Variants in DNAJC25 observed in about 807,000 individuals in gnomAD.
The protein encoded by DNAJC25 is dnaJ homolog subfamily C member 25.
In DNAJC25, 26 loss-of-function variants were observed where a neutral mutation model predicts 42.1. The observed-to-expected ratio is 0.62, with a 90% confidence interval of 0.45 to 0.86. The LOEUF (loss-of-function observed/expected upper bound fraction) is 0.86, where lower values mean the gene tolerates loss of function less well. DNAJC25 is among the 40% of genes least tolerant of loss of function. DNAJC25 has a pLI of 0.00. For missense variants in DNAJC25, 404 were observed against 459.4 expected (o/e 0.88, Z 1.10); for synonymous variants, 189 against 179.9 (o/e 1.05, Z -0.40).
At chr9:111,643,923 A>G (rs1830526641) in intron 1 of DNAJC25, among the ~76,000 whole-genome samples, 1 of 152,162 alleles carries the variant, frequency 6.6e-6, no homozygotes, top group South Asian at 2.1e-4. Context: ...ACTAAAGAGC[A>G]GAATTTTGAC....
rs999791922 is a variant in DNAJC25 at position 111,631,414 on chromosome 9, G to C, written c.7G>C (p.Ala3Pro). ...GCCGCCAGCGAGGCTGGGGATGGGG[G>C]CGCCGCTGCTCTCTCCCGGCTGGGG... MG[A>P]PLLSPGWGAG... The change falls in exon 1 of 4, where the codon GCG becomes CCG. Residue 3 changes from alanine (A) to proline (P), a missense_variant. Physicochemically the swap from Ala to Pro is conservative, Grantham distance 27. Coordinates refer to ENST00000313525, the MANE Select transcript of DNAJC25 (RefSeq NM_001015882.3). 1 of 1,280,532 alleles carries C rather than the reference G, an allele frequency of 7.8e-7. No individual in the cohort carries two copies. Among genetic ancestry groups the C allele is most frequent in the African/African-American group, 1.5e-5 (1 of 64,614 alleles). 79.3% of individuals were successfully genotyped at this position (1,280,532 alleles called of 1,614,324 possible).
Position 111,652,627 on chromosome 9 carries a change from C to T in DNAJC25, c.961-473C>T, listed in dbSNP as rs549137013. Among the ~76,000 whole-genome samples the T allele has an allele frequency of 2.2e-3, 329 of 151,604 alleles. 2 individuals carry two copies. The highest frequency in any genetic ancestry group is 7.5e-3 in the African/African-American group (312 of 41,390). On this transcript the variant is annotated intron_variant, in intron 3 of 3. Transcript: ENST00000313525. ...CATGATCTCAGCTCACTGCAACCTCCGCCTCCCAGGTTCAAGCAGTTCTCC... is the reference window on the plus strand; with the variant it reads ...CATGATCTCAGCTCACTGCAACCTCTGCCTCCCAGGTTCAAGCAGTTCTCC...
chr9:111,643,430 G>A (rs907042459), intron 1 of DNAJC25, among the ~76,000 whole-genome samples: 4 of 152,166 alleles, frequency 2.6e-5, no homozygotes, highest in Admixed American at 2.6e-4. Flanking sequence ...TAATAAATAG[G>A]TACCAAGTGT....
At chr9:111,652,347 T>TA (rs113688554) in intron 3 of DNAJC25, among the ~76,000 whole-genome samples, 8,173 of 143,078 alleles carry the variant, frequency 0.057, 300 homozygotes, top group African/African-American at 0.1. Flanking sequence ...CCATCTGTCC[T>TA]AAAAAAAAAA....
intron 3 of DNAJC25, 47 bp downstream of exon 3, chr9:111,649,970 G>A (rs1240448032): frequency 6.8e-7 from 1 of 1,471,834 alleles, no homozygotes; most frequent in African/African-American, 1.4e-5. Flanking sequence ...ACCTGACCAA[G>A]TTAAAATCAG....
At chr9:111,643,341 G>T (rs1830511569) in intron 1 of DNAJC25, among the ~76,000 whole-genome samples, 1 of 152,280 alleles carries the variant, frequency 6.6e-6, no homozygotes, top group East Asian at 1.9e-4. Context: ...ACTAGGCCTT[G>T]GAGTTACCCT....
rs1830694730 is a variant in DNAJC25 at position 111,653,399 on chromosome 9, A to T, written c.*177A>T. ...TCCCTTAAAACTTTATACATAAGACATTTATGATTGTTCAATTTTTATAAT... is the reference window on the plus strand; with the variant it reads ...TCCCTTAAAACTTTATACATAAGACTTTTATGATTGTTCAATTTTTATAAT... On this transcript the variant is annotated 3_prime_UTR_variant, in exon 4 of 4. Transcript: ENST00000313525. The T allele has an allele frequency of 1.7e-6, 1 of 603,404 alleles. No homozygotes were observed. The highest frequency in any genetic ancestry group is 1.9e-5 in the African/African-American group (1 of 52,190). 37.4% of individuals were successfully genotyped at this position (603,404 alleles called of 1,614,324 possible).
intron 1 of DNAJC25, among the ~76,000 whole-genome samples, chr9:111,639,903 C>CGT (rs1354715735): frequency 0.026 from 1,805 of 68,322 alleles, 62 homozygotes; most frequent in African/African-American, 0.079. Flanking sequence ...AGGAGCTCTC[C>CGT]CTCTCCCTCT....
intron 1 of DNAJC25, among the ~76,000 whole-genome samples, chr9:111,641,731 GC>G (rs1830473322): frequency 8.2e-6 from 1 of 122,166 alleles, no homozygotes; most frequent in Non-Finnish European, 1.7e-5. Flanking sequence ...GGTGAGGGGC[GC>G]CTCTGCCCGG....
At chr9:111,639,952 G>A (rs1459050246) in intron 1 of DNAJC25, among the ~76,000 whole-genome samples, 1 of 135,804 alleles carries the variant, frequency 7.4e-6, no homozygotes, top group East Asian at 2.2e-4. Flanking sequence ...CTCCGTCTCC[G>A]TCTCCGTCTC....
intron 1 of DNAJC25, among the ~76,000 whole-genome samples, chr9:111,638,649 T>C (rs1226887009): frequency 6.6e-6 from 1 of 152,190 alleles, no homozygotes; most frequent in Non-Finnish European, 1.5e-5. Flanking sequence ...AACTTTGGTA[T>C]CATGTTCAAC....
rs1308312447 is a variant in DNAJC25, at chr9:111,653,171, G to T, written c.1032G>T (p.Arg344Ser). The T allele has an allele frequency of 6.2e-7, 1 of 1,603,912 alleles. No homozygotes were observed. Among genetic ancestry groups the T allele is most frequent in the South Asian group, 1.1e-5 (1 of 89,732 alleles). ...ATGACCCCAGATGGAAGAGATACAGGAGATGGATGAAGAATGAAGGGCCTG... is the reference window on the plus strand; with the variant it reads ...ATGACCCCAGATGGAAGAGATACAGTAGATGGATGAAGAATGAAGGGCCTG... ...LANDPRWKRYRRWMKNEGPGR... is the reference protein window; with the variant it reads ...LANDPRWKRYSRWMKNEGPGR... The change falls in exon 4 of 4, where the codon AGG becomes AGT. Residue 344 changes from arginine (R) to serine (S), a missense_variant. Transcript: ENST00000313525.
intron 1 of DNAJC25, among the ~76,000 whole-genome samples, chr9:111,640,141 CG>C (rs373455351): frequency 0.27 from 39,713 of 148,656 alleles, 4,558 homozygotes; most frequent in East Asian, 0.42. Flanking sequence ...TTGGCCGGGC[CG>C]GTCTCCAGCC....
At chr9:111,649,430 T>G in intron 2 of DNAJC25, 23 bp from the exon 3 acceptor site, 1 of 1,534,966 alleles carries the variant, frequency 6.5e-7, no homozygotes, top group East Asian at 2.3e-5. Context: ...AAATGACTCA[T>G]TGTTCTCTGT....
chr9:111,633,559 G>T (rs533501178), intron 1 of DNAJC25, among the ~76,000 whole-genome samples: 4 of 152,332 alleles, frequency 2.6e-5, no homozygotes, highest in Admixed American at 2.6e-4. Flanking sequence ...TCTTCTGGAA[G>T]ATGGAGAACT....
intron 1 of DNAJC25, among the ~76,000 whole-genome samples, chr9:111,640,796 G>A (rs1830442778): frequency 7.9e-6 from 1 of 127,010 alleles, no homozygotes; most frequent in African/African-American, 3.2e-5. Flanking sequence ...GAAGTGAGGA[G>A]CGTCTCCGCC....
At chr9:111,652,603 A>G (rs933780859) in intron 3 of DNAJC25, among the ~76,000 whole-genome samples, 1 of 149,112 alleles carries the variant, frequency 6.7e-6, no homozygotes, top group African/African-American at 2.5e-5. Flanking sequence ...GTGCAATGGC[A>G]TGATCTCAGC....
At chr9:111,650,255 T>C (rs147771739) in intron 3 of DNAJC25, among the ~76,000 whole-genome samples, 1 of 151,698 alleles carries the variant, frequency 6.6e-6, no homozygotes, top group African/African-American at 2.4e-5. Flanking sequence ...AATTTGGCCC[T>C]TCCCAAGTTT....
chr9:111,648,921 T>C (rs538854073), intron 2 of DNAJC25, among the ~76,000 whole-genome samples: 16 of 152,332 alleles, frequency 1.1e-4, no homozygotes, highest in Non-Finnish European at 1.6e-4. Context: ...AGTTCAACCA[T>C]ATTTGAGTCT....
Sources: gnomAD v4.1 joint callset for allele counts (sites outside exome capture counted in the v4.1 genomes callset) on GRCh38, gnomAD v4.1.1 for gene constraint, MANE v1.5 for transcripts, NCBI Gene and HGNC (gene_info 2026-07-23, HGNC 2026-07-21) for gene names.